IQCH: variants seen among roughly 807,000 people sequenced by gnomAD.
IQCH encodes the protein IQ domain-containing protein H.
Under a neutral mutation model 117.0 loss-of-function variants are expected in IQCH, and 98 were observed. The observed-to-expected ratio is 0.84, with a 90% CI of 0.71 to 0.99. The LOEUF is 0.99. IQCH is among the 50% of genes least tolerant of loss of function. The probability of loss-of-function intolerance (pLI) is 0.00; values close to 1 mark genes in which losing one functional copy is unlikely to be tolerated. For synonymous variants in IQCH, 412 were observed against 448.2 expected (o/e 0.92, Z 1.02); for missense variants, 1,102 against 1,243.8 (o/e 0.89, Z 1.72).
rs36050088 is a variant in IQCH, at chr15:67,474,067, A to AGTGTGTGTGTGT, written c.2677-1603_2677-1592dup. 0.015 allele frequency among the ~76,000 whole-genome samples: 2,075 copies of AGTGTGTGTGTGT among 138,258 alleles called. 18 individuals carry two copies. The highest frequency in any genetic ancestry group is 0.016 in the Non-Finnish European group (1,006 of 63,512). The allele number at this position is 138,258 out of a possible 152,430, so 90.7% of individuals were successfully genotyped here. A position where few individuals can be genotyped will look rare whatever the true frequency, so the allele number is the denominator to read the frequency against. On this transcript the variant is annotated intron_variant, in intron 17 of 20. Transcript: ENST00000335894. The surrounding 1 kb of genome is among the most constrained non-coding windows in gnomAD (Gnocchi z 4.1). ...GTCACCAAAAGTGCCACGAAATCTG[A>AGTGTGTGTGTGT]GTGTGTGTGTGTGTGTGTGTGTGTG...
intron 6 of IQCH, among the ~76,000 whole-genome samples, chr15:67,350,852 CT>C (rs1334000563): frequency 1.3e-5 from 2 of 152,082 alleles, no homozygotes; most frequent in African/African-American, 4.8e-5. Context: ...GTAAGTCTGA[CT>C]TTTAGAAAGA....
rs1461228513 is a variant in IQCH, at chr15:67,447,514, C to T, written c.2506-17613C>T. Among the ~76,000 whole-genome samples the T allele has an allele frequency of 6.6e-6, 1 of 152,122 alleles. No homozygotes were observed. Among genetic ancestry groups the T allele is most frequent in the East Asian group, 1.9e-4 (1 of 5,196 alleles). ...CCTGGGACTCAACCCTCTACCATCA[C>T]CAAATTAGTCAGGATGTATTGGATT... On this transcript the variant is annotated intron_variant, in intron 16 of 20. Coordinates refer to ENST00000335894, the MANE Select transcript of IQCH (RefSeq NM_001031715.3). The surrounding 1 kb of genome is among the most constrained non-coding windows in gnomAD (Gnocchi z 5.3).
chr15:67,409,227 A>C (rs2081381788), intron 14 of IQCH, among the ~76,000 whole-genome samples: 1 of 152,138 alleles, frequency 6.6e-6, no homozygotes, highest in African/African-American at 2.4e-5. Flanking sequence ...ATTTTGTCCC[A>C]GGGAAAAATT....
In IQCH at chr15:67,333,758, C is replaced by T. The variant is rs1009229076; in HGVS notation, c.388-3217C>T. Among the ~76,000 whole-genome samples the T allele has an allele frequency of 2.6e-5, 4 of 152,068 alleles. No individual in the cohort carries two copies. The East Asian group carries it at 5.8e-4, about 22-fold the overall frequency. ...TCTTTAAGCTTTTCTATATTTTTTACATTTTCAAAAATTTTTGGCAGGGTG... is the reference window on the plus strand; with the variant it reads ...TCTTTAAGCTTTTCTATATTTTTTATATTTTCAAAAATTTTTGGCAGGGTG... On this transcript the variant is annotated intron_variant, in intron 4 of 20. Coordinates refer to ENST00000335894, the MANE Select transcript of IQCH (RefSeq NM_001031715.3).
chr15:67,326,507 G>A (rs1968415965), intron 4 of IQCH, among the ~76,000 whole-genome samples: 1 of 152,142 alleles, frequency 6.6e-6, no homozygotes, highest in African/African-American at 2.4e-5. Context: ...GGGTCAAATG[G>A]TATTTCTAGT....
Position 67,386,534 on chromosome 15 carries a change from A to T in IQCH, c.1456+1515A>T, listed in dbSNP as rs189971193. Among the ~76,000 whole-genome samples the T allele has an allele frequency of 3.7e-3, 566 of 152,312 alleles. 2 individuals carry two copies. The highest frequency in any genetic ancestry group is 5.9e-3 in the Non-Finnish European group (403 of 68,032). ...AAAAAGTACTTTTTTGTGAAATAAA[A>T]ATGTGAAGAAAATAGAAAAATAAGT... On this transcript the variant is annotated intron_variant, in intron 11 of 20. Coordinates refer to ENST00000335894, the MANE Select transcript of IQCH (RefSeq NM_001031715.3). This position sits in a 1 kb window ranked among gnomAD's most constrained non-coding sequence, Gnocchi z 5.0.
chr15:67,378,330 A>G (rs1439367155), intron 10 of IQCH, among the ~76,000 whole-genome samples: 1 of 151,790 alleles, frequency 6.6e-6, no homozygotes, highest in East Asian at 1.9e-4. Flanking sequence ...CAGCTCAAAG[A>G]CAAGATGGAT....
rs958056977 is a variant in IQCH at position 67,390,497 on chromosome 15, C to CT, written c.1632+1500dup. Among the ~76,000 whole-genome samples the CT allele has an allele frequency of 4.7e-3, 709 of 150,692 alleles. 7 individuals carry two copies. Among genetic ancestry groups the CT allele is most frequent in the Non-Finnish European group, 7.2e-3 (487 of 67,542 alleles). ...TTCTTAGCATACAGTTTCTTTTTTT[C>CT]TTTTTTTTTGAGACAGAGTCTCACT... is the stretch of plus-strand genomic sequence containing the variant. On this transcript the variant is annotated intron_variant, in intron 12 of 20. Coordinates refer to ENST00000335894, the MANE Select transcript of IQCH (RefSeq NM_001031715.3). This position sits in a 1 kb window ranked among gnomAD's most constrained non-coding sequence, Gnocchi z 5.0.
At chr15:67,464,448 C>CATTTTT (rs781727912) in intron 16 of IQCH, among the ~76,000 whole-genome samples, 1 of 152,148 alleles carries the variant, frequency 6.6e-6, no homozygotes, top group Non-Finnish European at 1.5e-5. Flanking sequence ...TTTTTTAAAG[C>CATTTTT]ATTTTTATTT....
Position 67,386,052 on chromosome 15 carries a change from T to C in IQCH, c.1456+1033T>C, listed in dbSNP as rs1971098649. Among the ~76,000 whole-genome samples the C allele has an allele frequency of 6.6e-6, 1 of 152,198 alleles. No individual in the cohort carries two copies. The highest frequency in any genetic ancestry group is 1.5e-5 in the Non-Finnish European group (1 of 68,028). On this transcript the variant is annotated intron_variant, in intron 11 of 20. Coordinates refer to ENST00000335894, the MANE Select transcript of IQCH (RefSeq NM_001031715.3). The surrounding 1 kb of genome is among the most constrained non-coding windows in gnomAD (Gnocchi z 5.0). ...TAATCATAATTGCTTTAATCTATTATCTAGGCACTCAGATTGTTTTTCAGC... is the reference window on the plus strand; with the variant it reads ...TAATCATAATTGCTTTAATCTATTACCTAGGCACTCAGATTGTTTTTCAGC...
At chr15:67,358,449 G>A (rs1407086190) in intron 7 of IQCH, among the ~76,000 whole-genome samples, 2 of 151,818 alleles carry the variant, frequency 1.3e-5, no homozygotes, top group African/African-American at 4.8e-5. Context: ...ACCTGCCTCG[G>A]CCTCCCAAAA....
Position 67,254,832 on chromosome 15 carries a change from C to T in IQCH, c.-65C>T, listed in dbSNP as rs971089843. The stretch of plus-strand genomic sequence containing the variant: ...GGTGTTGCCATGGGGACGAGCGGCT[C>T]CGGCTGAAGGTTTCCGTGCTTGGAA... On this transcript the variant is annotated 5_prime_UTR_variant, in exon 1 of 21. Coordinates refer to ENST00000335894, the MANE Select transcript of IQCH (RefSeq NM_001031715.3). 1.3e-6 allele frequency: 2 copies of T among 1,542,872 alleles called. No individual in the cohort carries two copies. Among genetic ancestry groups the T allele is most frequent in the Non-Finnish European group, 1.8e-6 (2 of 1,127,208 alleles).
In IQCH at chr15:67,405,625, G is replaced by A. The variant is rs1282934931; in HGVS notation, c.2097+5320G>A. On this transcript the variant is annotated intron_variant, in intron 14 of 20. Coordinates refer to ENST00000335894, the MANE Select transcript of IQCH (RefSeq NM_001031715.3). The surrounding 1 kb of genome is among the most constrained non-coding windows in gnomAD (Gnocchi z 4.8). ...AAGAAGTGACTTGCCCAAATTTATAGCTAATAAATGATTGTGCCTTGCTTT... is the reference window on the plus strand; with the variant it reads ...AAGAAGTGACTTGCCCAAATTTATAACTAATAAATGATTGTGCCTTGCTTT... 6.6e-6 allele frequency: 1 copy of A among 152,204 alleles called. No individual in the cohort carries two copies. Among genetic ancestry groups the A allele is most frequent in the Admixed American group, 6.5e-5 (1 of 15,276 alleles). 9.4% of individuals were successfully genotyped at this position (152,204 alleles called of 1,614,324 possible).
At position 67,345,940 on chromosome 15, in the gene IQCH, T is replaced by C. The variant is rs574869859; in HGVS notation, c.637+1749T>C. 8.4e-4 allele frequency among the ~76,000 whole-genome samples: 128 copies of C among 152,334 alleles called. 1 individual carries two copies. Among genetic ancestry groups the C allele is most frequent in the African/African-American group, 3.0e-3 (125 of 41,596 alleles). On this transcript the variant is annotated intron_variant, in intron 6 of 20. Transcript: ENST00000335894. ...TATACAGGACCGTTCTAGATCATCTTTGCAACTTTTCTGTATCTAAAATTA... is the reference window on the plus strand; with the variant it reads ...TATACAGGACCGTTCTAGATCATCTCTGCAACTTTTCTGTATCTAAAATTA...
At chr15:67,311,032 C>T (rs1251534207) in intron 4 of IQCH, among the ~76,000 whole-genome samples, 5 of 151,948 alleles carry the variant, frequency 3.3e-5, no homozygotes, top group Non-Finnish European at 7.4e-5. Flanking sequence ...CTTATTTAAC[C>T]CTTACACCTC....
rs182505322 is a variant in IQCH, at chr15:67,413,850, A to G, written c.2098-3081A>G. Among the ~76,000 whole-genome samples, 131 of 152,232 alleles carry G rather than the reference A, an allele frequency of 8.6e-4. 1 individual carries two copies. Among genetic ancestry groups the G allele is most frequent in the African/African-American group, 2.9e-3 (120 of 41,534 alleles). ...CCAGCAGCCGACTTTCCTCTAGGAA[A>G]TTTACCTCCTTACTGGGGCTTTGTG... is the stretch of plus-strand genomic sequence containing the variant. On this transcript the variant is annotated intron_variant, in intron 14 of 20. Coordinates refer to ENST00000335894, the MANE Select transcript of IQCH (RefSeq NM_001031715.3). This position sits in a 1 kb window ranked among gnomAD's most constrained non-coding sequence, Gnocchi z 5.0.
chr15:67,281,599 A>G (rs1680395885), intron 4 of IQCH: 1 of 424,820 alleles, frequency 2.4e-6, no homozygotes, highest in Non-Finnish European at 4.7e-6. Flanking sequence ...CAGTCGTTTA[A>G]AGGTATCAGA....
chr15:67,261,428 G>A (rs375884484), intron 2 of IQCH, 34 bp downstream of exon 2: 30 of 1,541,622 alleles, frequency 1.9e-5, no homozygotes, highest in Middle Eastern at 1.7e-4. Context: ...AATACTGGAA[G>A]GAGACAAAGC....
intron 4 of IQCH, among the ~76,000 whole-genome samples, chr15:67,329,821 T>TGC (rs1968580559): frequency 1.3e-5 from 2 of 148,846 alleles, no homozygotes. Context: ...GAGTGAATTA[T>TGC]ACACACACAC....
Sources: allele counts gnomAD v4.1 joint callset (sites outside exome capture counted in the v4.1 genomes callset), GRCh38; gene constraint gnomAD v4.1.1; non-coding constraint Gnocchi (gnomAD v3.1); transcripts MANE v1.5; gene names NCBI Gene and HGNC (gene_info 2026-07-23, HGNC 2026-07-21).